Variants in CDA observed in about 807,000 individuals in gnomAD.
The protein encoded by CDA is cytidine deaminase.
Under a neutral mutation model 15.0 loss-of-function variants are expected in CDA, and 7 were observed. The observed-to-expected ratio is 0.47, with a 90% CI of 0.26 to 0.87. CDA has a LOEUF of 0.87. CDA is among the 40% of genes least tolerant of loss of function. CDA has a pLI of 0.15. For missense variants in CDA, 159 were observed against 182.7 expected (o/e 0.87, Z 0.75); for synonymous variants, 58 against 73.0 (o/e 0.79, Z 1.05).
chr1:20,616,887 T>C (rs2052818199), intron 3 of CDA, among the ~76,000 whole-genome samples: 4 of 152,314 alleles, frequency 2.6e-5, no homozygotes, highest in South Asian at 4.1e-4. Flanking sequence ...CGGGAATAAC[T>C]TGGTGATTCA....
chr1:20,602,144 G>A lies in CDA; in HGVS notation c.155-2784G>A, dbSNP rs193106665. 6.0e-3 allele frequency among the ~76,000 whole-genome samples: 744 copies of A among 123,490 alleles called. 36 individuals carry two copies. The highest frequency in any genetic ancestry group is 0.058 in the Admixed American group (642 of 11,106). The allele number at this position is 123,490 out of a possible 152,430, so 81.0% of individuals were successfully genotyped here. A position where few individuals can be genotyped will look rare whatever the true frequency, so the allele number is the denominator to read the frequency against. ...AAAAAGAAAGGAGAGGGGAGAGGAGGAGAAAGGAGGGGAGGGGAGGGGAGG... is the reference window on the plus strand; with the variant it reads ...AAAAAGAAAGGAGAGGGGAGAGGAGAAGAAAGGAGGGGAGGGGAGGGGAGG... On this transcript the variant is annotated intron_variant, in intron 1 of 3. Transcript: ENST00000375071.
chr1:20,599,196 A>C (rs2052617107), intron 1 of CDA, among the ~76,000 whole-genome samples: 1 of 152,214 alleles, frequency 6.6e-6, no homozygotes, highest in South Asian at 2.1e-4. Context: ...TGGCAGGAGC[A>C]TACTGGTGCC....
chr1:20,602,977 T>G (rs780863847), intron 1 of CDA, among the ~76,000 whole-genome samples: 6 of 152,214 alleles, frequency 3.9e-5, no homozygotes, highest in Non-Finnish European at 5.9e-5. Context: ...TGTGGGCAGA[T>G]GACACATCAC....
At chr1:20,614,698 T>C (rs774449795) in intron 3 of CDA, among the ~76,000 whole-genome samples, 6 of 152,240 alleles carry the variant, frequency 3.9e-5, no homozygotes, top group South Asian at 4.2e-4. Context: ...CTTGGTGAAT[T>C]TGAGAAGAGG....
intron 1 of CDA, among the ~76,000 whole-genome samples, chr1:20,595,417 T>C (rs1184497327): frequency 6.6e-6 from 1 of 152,098 alleles, no homozygotes; most frequent in Non-Finnish European, 1.5e-5. Flanking sequence ...CCTAGAAGCA[T>C]TTCTTGGTGC....
chr1:20,593,990 G>A (rs907990852), intron 1 of CDA, among the ~76,000 whole-genome samples: 2 of 152,208 alleles, frequency 1.3e-5, no homozygotes, highest in Non-Finnish European at 2.9e-5. Context: ...AGGAAGCCTG[G>A]TGTGGTTTCA....
At chr1:20,618,137 G>A (rs1186915404) in intron 3 of CDA, among the ~76,000 whole-genome samples, 4 of 151,578 alleles carry the variant, frequency 2.6e-5, no homozygotes, top group East Asian at 1.9e-4. Context: ...GAAGGGAAGC[G>A]GGTGTTAGTT....
At position 20,614,011 on chromosome 1, in the gene CDA, C is replaced by A. The variant is rs2052780455; in HGVS notation, c.324+112C>A. ...CATGGCAGGCGTGGAGACACAGCTA[C>A]TGTCCTGTTTGCTTGGTTGGCTGAC... On this transcript the variant is annotated intron_variant, in intron 3 of 3. Transcript: ENST00000375071. 3.2e-6 allele frequency: 3 copies of A among 950,300 alleles called. No individual in the cohort carries two copies. In the South Asian group the frequency reaches 4.0e-5, roughly 13 times the overall value. The allele number at this position is 950,300 out of a possible 1,614,324, so 58.9% of individuals were successfully genotyped here.
chr1:20,600,950 G>T (rs2052638288), intron 1 of CDA, among the ~76,000 whole-genome samples: 1 of 152,070 alleles, frequency 6.6e-6, no homozygotes, highest in Non-Finnish European at 1.5e-5. Flanking sequence ...ATAAACAAAA[G>T]CTCTCAGGGT....
chr1:20,613,971 TGCAGGCATG>T lies in CDA; in HGVS notation c.324+88_324+96del, dbSNP rs200788433. The T allele has an allele frequency of 1.1e-4, 149 of 1,399,728 alleles. No individual in the cohort carries two copies. In the African/African-American group the frequency reaches 1.4e-3, roughly 13 times the overall value. The allele number at this position is 1,399,728 out of a possible 1,614,324, so 86.7% of individuals were successfully genotyped here. On this transcript the variant is annotated intron_variant, in intron 3 of 3. Coordinates refer to ENST00000375071, the MANE Select transcript of CDA (RefSeq NM_001785.3). ...GCAGGCTATGGGAGCCACGCCAAGT[TGCAGGCATG>T]GCAGGCATGGCAGGCGTGGAGACAC...
intron 1 of CDA, among the ~76,000 whole-genome samples, chr1:20,589,963 C>G (rs576230624): frequency 6.6e-6 from 1 of 152,236 alleles, no homozygotes; most frequent in Non-Finnish European, 1.5e-5. Flanking sequence ...CCATCTGAGT[C>G]TGCTCTAATC....
intron 2 of CDA, among the ~76,000 whole-genome samples, chr1:20,606,396 C>T (rs11584381): frequency 0.011 from 1,680 of 152,084 alleles, 7 homozygotes; most frequent in Non-Finnish European, 0.016. Context: ...GCCACCACCC[C>T]CATTTTATAG....
At chr1:20,616,650 A>G (rs763904304) in intron 3 of CDA, among the ~76,000 whole-genome samples, 79 of 152,128 alleles carry the variant, frequency 5.2e-4, no homozygotes, top group Non-Finnish European at 1.0e-3. Flanking sequence ...AACAGATTGG[A>G]TGTTGGCAAA....
chr1:20,601,299 T>C (rs1030669347), intron 1 of CDA, among the ~76,000 whole-genome samples: 1 of 152,212 alleles, frequency 6.6e-6, no homozygotes, highest in Admixed American at 6.5e-5. Flanking sequence ...TGAACTCTGA[T>C]TGGCCAGTTT....
In CDA at chr1:20,598,247, G is replaced by A. The variant is rs78540957; in HGVS notation, c.155-6681G>A. Among the ~76,000 whole-genome samples, 618 of 152,250 alleles carry A rather than the reference G, an allele frequency of 4.1e-3. 1 individual carries two copies. The highest frequency in any genetic ancestry group is 0.014 in the African/African-American group (580 of 41,552). On this transcript the variant is annotated intron_variant, in intron 1 of 3. Transcript: ENST00000375071. Reference sequence around the variant, plus strand: ...TCTGCCCGGTGAGTGGATGAATACCGCTATAAAAAGGGCTTACAGTATGGA... The same window carrying A: ...TCTGCCCGGTGAGTGGATGAATACCACTATAAAAAGGGCTTACAGTATGGA...
At chr1:20,596,101 A>T (rs954492325) in intron 1 of CDA, among the ~76,000 whole-genome samples, 5 of 152,130 alleles carry the variant, frequency 3.3e-5, no homozygotes, top group Non-Finnish European at 5.9e-5. Context: ...GTGAGCTGAG[A>T]TCGCACCATT....
At chr1:20,613,942 T>A in intron 3 of CDA, 43 bp downstream of exon 3, 1 of 1,587,134 alleles carries the variant, frequency 6.3e-7, no homozygotes, top group Middle Eastern at 2.0e-4. Context: ...ATATCTTCCC[T>A]GTCGCAGGCT....
At chr1:20,610,560 A>G (rs1285054046) in intron 2 of CDA, among the ~76,000 whole-genome samples, 2 of 152,162 alleles carry the variant, frequency 1.3e-5, no homozygotes, top group Admixed American at 6.5e-5. Context: ...CGGCCTCCCA[A>G]AGTGCTGGGA....
intron 2 of CDA, among the ~76,000 whole-genome samples, chr1:20,609,290 C>T (rs2052724059): frequency 6.6e-6 from 1 of 152,124 alleles, no homozygotes; most frequent in South Asian, 2.1e-4. Context: ...CGAGACCATC[C>T]TGCCTAACAC....
Sources: gnomAD v4.1 joint callset for allele counts (sites outside exome capture counted in the v4.1 genomes callset) on GRCh38, gnomAD v4.1.1 for gene constraint, MANE v1.5 for transcripts, NCBI Gene and HGNC (gene_info 2026-07-23, HGNC 2026-07-21) for gene names.